The following RNF212B variants were observed in gnomAD, a reference collection of about 807,000 sequenced individuals.
The protein encoded by RNF212B is ring finger protein 212B.
In RNF212B, 52 loss-of-function variants were observed where a neutral mutation model predicts 55.5. That is an observed-to-expected ratio of 0.94 (90% CI 0.75 to 1.18). The LOEUF (loss-of-function observed/expected upper bound fraction) is 1.18, where lower values mean the gene tolerates loss of function less well. RNF212B is among the 50% of genes most tolerant of loss of function. The pLI is 0.00. For missense variants in RNF212B, 289 were observed against 350.4 expected (o/e 0.82, Z 1.40); for synonymous variants, 99 against 121.4 (o/e 0.82, Z 1.21).
At chr14:23,198,284 C>T (rs954679390) in intron 2 of RNF212B, among the ~76,000 whole-genome samples, 3 of 152,196 alleles carry the variant, frequency 2.0e-5, no homozygotes, top group African/African-American at 7.2e-5. Flanking sequence ...AATTGTCTTA[C>T]ATAACTCAAG....
At position 23,229,230 on chromosome 14, in the gene RNF212B, A is replaced by ATATATATG. The variant is rs1555314066; in HGVS notation, c.-1-11108_-1-11107insGTATATAT. ...TGGCTGAATAATATTTTATATATAT[A>ATATATATG]TATATATATATATATATATATATAT... On this transcript the variant is annotated intron_variant, in intron 2 of 15. Coordinates refer to the RNF212B transcript ENST00000399910. 5.8e-3 allele frequency among the ~76,000 whole-genome samples: 327 copies of ATATATATG among 56,744 alleles called. 6 individuals are homozygous for ATATATATG. Among genetic ancestry groups the ATATATATG allele is most frequent in the Non-Finnish European group, 0.012 (281 of 22,496 alleles). 37.2% of individuals were successfully genotyped at this position (56,744 alleles called of 152,430 possible).
intron 1 of RNF212B, chr14:23,188,312 C>G (rs189303476): frequency 6.9e-4 from 105 of 152,334 alleles, no homozygotes; most frequent in African/African-American, 2.5e-3. Flanking sequence ...CAGATCTCCG[C>G]ATTTTCTTGA....
intron 4 of RNF212B, among the ~76,000 whole-genome samples, chr14:23,256,261 G>GTTACT (rs1368729488): frequency 1.3e-5 from 2 of 151,966 alleles, no homozygotes; most frequent in East Asian, 3.9e-4. Context: ...CTAACATTGT[G>GTTACT]ATTTGGCTGT....
Position 23,262,679 on chromosome 14 carries a change from G to T in RNF212B, c.449G>T (p.Arg150Leu). ...RYQGSRSITPRPVGITSPSQS... is the reference protein window; with the variant it reads ...RYQGSRSITPLPVGITSPSQS... ...TTCCCTTGCAGGTCAATCACACCTC[G>T]ACCAGTGGGCATTACTTCCCCATCA... Residue 150 changes from arginine (R) to leucine (L), a missense_variant, in exon 8 of 15, where the codon CGA (arginine) becomes CTA (leucine). Physicochemically the swap from Arg to Leu is moderately radical, Grantham distance 102. Transcript: ENST00000430154. The T allele has an allele frequency of 6.5e-7, 1 of 1,550,060 alleles. No homozygotes were observed. Among genetic ancestry groups the T allele is most frequent in the Non-Finnish European group, 8.7e-7 (1 of 1,146,894 alleles).
intron 3 of RNF212B, 30 bp downstream of exon 3, chr14:23,243,338 T>C (rs949485107): frequency 1.3e-6 from 2 of 1,519,146 alleles, no homozygotes; most frequent in Non-Finnish European, 1.8e-6. Flanking sequence ...CCACAAACTG[T>C]CTCATCCCAT....
At chr14:23,235,342 G>A (rs552610656), upstream of RNF212B, among the ~76,000 whole-genome samples, 12 of 152,070 alleles carry the variant, frequency 7.9e-5, no homozygotes, top group Non-Finnish European at 1.2e-4. Context: ...AGAGGGAGAC[G>A]CCCATCTCTT....
chr14:23,231,389 G>A (rs528804960), intron 2 of RNF212B, among the ~76,000 whole-genome samples: 23 of 152,236 alleles, frequency 1.5e-4, no homozygotes, highest in African/African-American at 4.8e-4. Context: ...AAAAAATGGT[G>A]CTGAAACAAT....
intron 14 of RNF212B, among the ~76,000 whole-genome samples, chr14:23,270,914 C>T (rs1886026317): frequency 6.6e-6 from 1 of 152,100 alleles, no homozygotes; most frequent in African/African-American, 2.4e-5. Flanking sequence ...GAGGTCTTGG[C>T]CAGCGTGAAG....
At chr14:23,207,206 T>C (rs1474661632) in intron 2 of RNF212B, among the ~76,000 whole-genome samples, 2 of 152,168 alleles carry the variant, frequency 1.3e-5, no homozygotes, top group Non-Finnish European at 2.9e-5. Context: ...TAAGTGTAAG[T>C]AGGAATTAAC....
chr14:23,227,857 C>A (rs118158815), intron 2 of RNF212B, among the ~76,000 whole-genome samples: 13,175 of 152,000 alleles, frequency 0.087, 1,256 homozygotes, highest in African/African-American at 0.23. Flanking sequence ...CCTCAGCCCC[C>A]CGAAGTGCTG....
intron 4 of RNF212B, among the ~76,000 whole-genome samples, chr14:23,248,735 C>G (rs116324557): frequency 1.3e-5 from 2 of 151,984 alleles, no homozygotes; most frequent in Non-Finnish European, 2.9e-5. Context: ...CCATCACGCC[C>G]GGCCCCCAAG....
intron 2 of RNF212B, among the ~76,000 whole-genome samples, chr14:23,216,677 CAA>C (rs1881106141): frequency 6.6e-6 from 1 of 151,514 alleles, no homozygotes; most frequent in Admixed American, 6.6e-5. Context: ...CTTAGGAGTT[CAA>C]GACAAGCTTG....
intron 2 of RNF212B, among the ~76,000 whole-genome samples, chr14:23,217,047 T>C (rs1192514483): frequency 6.6e-6 from 1 of 151,978 alleles, no homozygotes; most frequent in Non-Finnish European, 1.5e-5. Context: ...ACAAGAAGGT[T>C]CCCGGGGTCC....
chr14:23,200,536 G>T (rs867895149), intron 2 of RNF212B, among the ~76,000 whole-genome samples: 1 of 152,076 alleles, frequency 6.6e-6, no homozygotes, highest in African/African-American at 2.4e-5. Context: ...ATGTTGGCCA[G>T]GCTGGTCTCG....
At chr14:23,249,679 A>C (rs1281403189) in intron 4 of RNF212B, among the ~76,000 whole-genome samples, 1 of 152,200 alleles carries the variant, frequency 6.6e-6, no homozygotes, top group African/African-American at 2.4e-5. Context: ...CAGGGGATTG[A>C]GGAACCTTAG....
At chr14:23,191,106 C>A (rs1322588156) in intron 1 of RNF212B, among the ~76,000 whole-genome samples, 2 of 152,196 alleles carry the variant, frequency 1.3e-5, no homozygotes, top group Admixed American at 6.5e-5. Context: ...GTAATCCCAG[C>A]GCTTTGGGAG....
chr14:23,231,869 T>A (rs1420975983), intron 2 of RNF212B, among the ~76,000 whole-genome samples: 1 of 152,376 alleles, frequency 6.6e-6, no homozygotes, highest in Admixed American at 6.5e-5. Context: ...CTCCAGCTCC[T>A]AACCGTGAGT....
chr14:23,252,110 G>A (rs537612718), intron 4 of RNF212B, among the ~76,000 whole-genome samples: 28 of 152,092 alleles, frequency 1.8e-4, no homozygotes, highest in African/African-American at 6.0e-4. Flanking sequence ...TGGGAAGAAA[G>A]GTTGGGACCC....
At chr14:23,212,024 G>A (rs1880571950) in intron 2 of RNF212B, among the ~76,000 whole-genome samples, 1 of 151,898 alleles carries the variant, frequency 6.6e-6, no homozygotes, top group East Asian at 1.9e-4. Context: ...CACCGTGCCT[G>A]ACCAAAAAAG....
Sources: allele counts gnomAD v4.1 joint callset (sites outside exome capture counted in the v4.1 genomes callset), GRCh38; gene constraint gnomAD v4.1.1; transcripts MANE v1.5; gene names NCBI Gene and HGNC (gene_info 2026-07-23, HGNC 2026-07-21).